The following PARD3B variants were observed in gnomAD, a reference collection of about 807,000 sequenced individuals.
PARD3B encodes the protein par-3 family cell polarity regulator beta, also known as partitioning defective 3 homolog B.
A neutral mutation model predicts 130.2 loss-of-function variants in PARD3B; 103 were observed. The observed-to-expected ratio is 0.79, with a 90% CI of 0.67 to 0.93. The LOEUF (loss-of-function observed/expected upper bound fraction) is 0.93, where lower values mean the gene tolerates loss of function less well. Ranked by LOEUF, PARD3B falls within the 40% of genes least tolerant of loss-of-function variation. PARD3B has a pLI of 0.00. For synonymous variants in PARD3B, 583 were observed against 553.2 expected (o/e 1.05, Z -0.76); for missense variants, 1,609 against 1,499.2 (o/e 1.07, Z -1.21).
In PARD3B at chr2:204,545,753, C is replaced by G; in HGVS notation, c.-247C>G. The G allele has an allele frequency of 7.8e-6, 3 of 383,842 alleles. No homozygotes were observed. Among genetic ancestry groups the G allele is most frequent in the South Asian group, 1.0e-4 (2 of 19,104 alleles). 23.8% of individuals were successfully genotyped at this position (383,842 alleles called of 1,614,324 possible). On this transcript the variant is annotated 5_prime_UTR_variant, in exon 1 of 23. Coordinates refer to ENST00000406610, the MANE Select transcript of PARD3B (RefSeq NM_001302769.2). ...AGGAGCCGGTGCCGCGGAGCTGCCG[C>G]GTCCCGGGCCGCCGGGCACCTGGGA...
At chr2:205,137,157 T>C (rs527728961) in intron 10 of PARD3B, among the ~76,000 whole-genome samples, 3 of 152,124 alleles carry the variant, frequency 2.0e-5, no homozygotes, top group East Asian at 1.9e-4. Context: ...AATAAGGACA[T>C]AAAAGTTATA....
At chr2:205,399,574 T>C (rs947691656) in intron 18 of PARD3B, among the ~76,000 whole-genome samples, 7 of 152,088 alleles carry the variant, frequency 4.6e-5, no homozygotes, top group Non-Finnish European at 8.8e-5. Context: ...AGGCTGGTCT[T>C]GAACTCCTGA....
intron 2 of PARD3B, among the ~76,000 whole-genome samples, chr2:204,937,614 C>T (rs1222821090): frequency 2.0e-5 from 3 of 152,288 alleles, no homozygotes; most frequent in African/African-American, 7.2e-5. Context: ...ATCATTCTCA[C>T]TTCCTGACTA....
intron 3 of PARD3B, among the ~76,000 whole-genome samples, chr2:204,997,237 C>A (rs1694303639): frequency 6.6e-6 from 1 of 152,168 alleles, no homozygotes; most frequent in Admixed American, 6.5e-5. Flanking sequence ...GCCCTTTGTT[C>A]TTCCACTTTA....
At chr2:205,065,626 G>A (rs1484350011) in intron 4 of PARD3B, among the ~76,000 whole-genome samples, 3 of 152,120 alleles carry the variant, frequency 2.0e-5, no homozygotes, top group African/African-American at 7.2e-5. Flanking sequence ...GCTTGGTGCT[G>A]TTCTGGTGGT....
chr2:205,233,772 A>T (rs986958720), intron 15 of PARD3B, among the ~76,000 whole-genome samples: 1 of 152,168 alleles, frequency 6.6e-6, no homozygotes, highest in African/African-American at 2.4e-5. Context: ...AAATCATCTA[A>T]CACAAAGCCT....
At chr2:205,607,755 T>G (rs2055054026) in intron 22 of PARD3B, among the ~76,000 whole-genome samples, 1 of 151,188 alleles carries the variant, frequency 6.6e-6, no homozygotes, top group African/African-American at 2.4e-5. Flanking sequence ...AATTTCAGAG[T>G]AAGACAATTG....
intron 18 of PARD3B, among the ~76,000 whole-genome samples, chr2:205,304,942 C>G (rs953917553): frequency 6.6e-6 from 1 of 152,056 alleles, no homozygotes; most frequent in Non-Finnish European, 1.5e-5. Flanking sequence ...AAGACCCTAT[C>G]TCAAAAAATT....
chr2:204,778,942 T>C (rs1367315098), intron 2 of PARD3B, among the ~76,000 whole-genome samples: 1 of 152,154 alleles, frequency 6.6e-6, no homozygotes, highest in Non-Finnish European at 1.5e-5. Flanking sequence ...TACCATGGCC[T>C]ACAAAGCTTT....
chr2:204,811,207 T>C (rs2042949634), intron 2 of PARD3B, among the ~76,000 whole-genome samples: 1 of 152,170 alleles, frequency 6.6e-6, no homozygotes, highest in African/African-American at 2.4e-5. Flanking sequence ...TTCTTCTTTA[T>C]TAATCTAGCT....
chr2:205,139,803 A>G (rs2032798162), intron 10 of PARD3B, among the ~76,000 whole-genome samples: 1 of 152,216 alleles, frequency 6.6e-6, no homozygotes. Context: ...GTGCCCTTCT[A>G]AAACAGAAAC....
intron 2 of PARD3B, among the ~76,000 whole-genome samples, chr2:204,938,464 T>C (rs1197313044): frequency 5.3e-5 from 8 of 152,238 alleles, no homozygotes; most frequent in Non-Finnish European, 7.3e-5. Flanking sequence ...AGCTTAAATA[T>C]CACCAATTCA....
At chr2:204,875,012 G>T (rs931243582) in intron 2 of PARD3B, among the ~76,000 whole-genome samples, 5 of 152,060 alleles carry the variant, frequency 3.3e-5, no homozygotes, top group East Asian at 1.9e-4. Flanking sequence ...ATGATACCTT[G>T]TGTTTTTAAT....
At chr2:204,846,987 T>C (rs1012522555) in intron 2 of PARD3B, among the ~76,000 whole-genome samples, 1 of 152,018 alleles carries the variant, frequency 6.6e-6, no homozygotes, top group Non-Finnish European at 1.5e-5. Context: ...AATATAGTCA[T>C]ATTTGAAGTG....
At chr2:205,434,858 T>G (rs1559090234) in intron 19 of PARD3B, among the ~76,000 whole-genome samples, 2 of 151,876 alleles carry the variant, frequency 1.3e-5, no homozygotes, top group African/African-American at 4.8e-5. Flanking sequence ...TCACTACAAC[T>G]TGTAGTTGTT....
intron 2 of PARD3B, among the ~76,000 whole-genome samples, chr2:204,956,253 T>C (rs1690225414): frequency 6.6e-6 from 1 of 152,218 alleles, no homozygotes; most frequent in African/African-American, 2.4e-5. Flanking sequence ...GGAGTATGTT[T>C]CTGAGACGAT....
Position 204,829,241 on chromosome 2 carries a change from A to G in PARD3B, c.223-135911A>G, listed in dbSNP as rs7591676. 1.5e-3 allele frequency among the ~76,000 whole-genome samples: 225 copies of G among 152,334 alleles called. 1 individual carries two copies. The highest frequency in any genetic ancestry group is 5.0e-3 in the African/African-American group (208 of 41,582). On this transcript the variant is annotated intron_variant, in intron 2 of 22. Coordinates refer to ENST00000406610, the MANE Select transcript of PARD3B (RefSeq NM_001302769.2). ...ATAAGTTCATAGTTAACCAACATTT[A>G]CTGAATGACTATTATGTGCTAGGAA...
chr2:204,551,266 T>C (rs1345486777), intron 1 of PARD3B, among the ~76,000 whole-genome samples: 1 of 152,206 alleles, frequency 6.6e-6, no homozygotes, highest in Non-Finnish European at 1.5e-5. Flanking sequence ...TCCTATCTTC[T>C]TTGGGGGAAA....
intron 2 of PARD3B, among the ~76,000 whole-genome samples, chr2:204,804,759 A>G (rs984319208): frequency 6.6e-6 from 1 of 152,226 alleles, no homozygotes; most frequent in African/African-American, 2.4e-5. Flanking sequence ...AAAACTTTCA[A>G]AAACAATGAA....
Sources: gnomAD v4.1 joint callset for allele counts (sites outside exome capture counted in the v4.1 genomes callset) on GRCh38, gnomAD v4.1.1 for gene constraint, MANE v1.5 for transcripts, NCBI Gene and HGNC (gene_info 2026-07-23, HGNC 2026-07-21) for gene names.